SPATA18: variants seen among roughly 807,000 people sequenced by gnomAD.
The protein encoded by SPATA18 is mitochondria-eating protein.
In SPATA18, 54 loss-of-function variants were observed where a neutral mutation model predicts 68.1. The ratio of observed to expected loss-of-function variants is 0.79; its 90% CI spans 0.64 to 0.99. SPATA18 has a LOEUF of 0.99. Ranked by LOEUF, SPATA18 falls within the 50% of genes least tolerant of loss-of-function variation. The probability of loss-of-function intolerance (pLI) is 0.00; values close to 1 mark genes in which losing one functional copy is unlikely to be tolerated. For synonymous variants in SPATA18, 242 were observed against 244.8 expected (o/e 0.99, Z 0.11); for missense variants, 724 against 681.1 (o/e 1.06, Z -0.70).
chr4:52,072,009 A>T lies in SPATA18; in HGVS notation c.611A>T (p.Glu204Val), dbSNP rs754364540. The T allele has an allele frequency of 6.2e-7, 1 of 1,613,946 alleles. No homozygotes were observed. The highest frequency in any genetic ancestry group is 1.7e-5 in the Admixed American group (1 of 59,986). The change falls in exon 6 of 13, where the codon GAG becomes GTG. Residue 204 changes from glutamate to valine, a missense_variant. By Grantham distance (121) the Glu-to-Val change is moderately radical. Coordinates refer to ENST00000295213, the MANE Select transcript of SPATA18 (RefSeq NM_145263.4). ...ENRRSEPWSL[E>V]ERKREQWNSL... Reference sequence around the variant, plus strand: ...AGGCGGTCAGAGCCTTGGAGCTTGGAGGAGCGGAAGCGTGAGCAGTGGAAC... The same window carrying T: ...AGGCGGTCAGAGCCTTGGAGCTTGGTGGAGCGGAAGCGTGAGCAGTGGAAC...
intron 11 of SPATA18, 47 bp downstream of exon 11, chr4:52,085,046 GC>G (rs1741299659): frequency 5.2e-6 from 7 of 1,348,584 alleles, no homozygotes; most frequent in South Asian, 1.3e-5. Context: ...TCTATGGTTG[GC>G]TTTTTTTTTT....
intron 9 of SPATA18, among the ~76,000 whole-genome samples, chr4:52,080,157 A>G (rs1003204710): frequency 3.9e-5 from 6 of 152,178 alleles, no homozygotes; most frequent in African/African-American, 1.4e-4. Context: ...GCCTATCTAG[A>G]ACACTTTTTT....
chr4:52,086,147 C>G (rs143428277), intron 11 of SPATA18, among the ~76,000 whole-genome samples: 1 of 152,284 alleles, frequency 6.6e-6, no homozygotes, highest in East Asian at 1.9e-4. Context: ...ACCCTACACA[C>G]TTTTCTGAAA....
At chr4:52,052,587 A>G (rs548895025) in intron 1 of SPATA18, among the ~76,000 whole-genome samples, 3 of 152,212 alleles carry the variant, frequency 2.0e-5, no homozygotes, top group Non-Finnish European at 4.4e-5. Flanking sequence ...GCGGCCAGGC[A>G]AAAGAACTGT....
chr4:52,085,070 A>C, intron 11 of SPATA18, 71 bp downstream of exon 11: 3 of 1,211,368 alleles, frequency 2.5e-6, no homozygotes, highest in Non-Finnish European at 3.6e-6. Flanking sequence ...TTGCTTCAGC[A>C]ATACAAAAGA....
chr4:52,078,616 G>GTGTT (rs1412953986), intron 7 of SPATA18, 119 bp from the exon 8 acceptor site: 4 of 866,538 alleles, frequency 4.6e-6, no homozygotes, highest in Non-Finnish European at 5.1e-6. Flanking sequence ...TTGATCAACT[G>GTGTT]TGTTTAGTTA....
chr4:52,067,211 T>C (rs186975867), intron 4 of SPATA18, among the ~76,000 whole-genome samples: 19 of 152,304 alleles, frequency 1.2e-4, no homozygotes, highest in Admixed American at 4.6e-4. Flanking sequence ...CATGAGATGG[T>C]ATCTCATTGT....
chr4:52,066,255 A>C (rs527439463), intron 4 of SPATA18, among the ~76,000 whole-genome samples: 35 of 152,166 alleles, frequency 2.3e-4, no homozygotes, highest in African/African-American at 7.9e-4. Context: ...GGTTCATGCC[A>C]TTCTCCTGCC....
At chr4:52,085,066 CA>C in intron 11 of SPATA18, 67 bp downstream of exon 11, 1 of 1,238,512 alleles carries the variant, frequency 8.1e-7, no homozygotes, top group South Asian at 1.3e-5. Context: ...TTTTTTGCTT[CA>C]GCAATACAAA....
intron 11 of SPATA18, among the ~76,000 whole-genome samples, chr4:52,090,270 G>A (rs200120245): frequency 6.6e-6 from 1 of 152,252 alleles, no homozygotes; most frequent in African/African-American, 2.4e-5. Flanking sequence ...GGGGCATTTA[G>A]TCCGTTTACA....
intron 4 of SPATA18, among the ~76,000 whole-genome samples, chr4:52,067,664 T>C (rs1739428526): frequency 1.3e-5 from 2 of 152,208 alleles, no homozygotes; most frequent in Non-Finnish European, 1.5e-5. Flanking sequence ...CCACCATACG[T>C]TGAAAGGTCT....
At chr4:52,092,954 A>T (rs983744207) in intron 11 of SPATA18, among the ~76,000 whole-genome samples, 2 of 152,174 alleles carry the variant, frequency 1.3e-5, no homozygotes, top group African/African-American at 4.8e-5. Flanking sequence ...GAACACATGG[A>T]CACAAAGAGG....
chr4:52,075,053 C>A lies in SPATA18; in HGVS notation c.759-1726C>A, dbSNP rs1185442229. 2.6e-5 allele frequency among the ~76,000 whole-genome samples: 4 copies of A among 152,238 alleles called. 1 individual carries two copies. Among genetic ancestry groups the A allele is most frequent in the Middle Eastern group, 6.8e-3 (2 of 294 alleles). On this transcript the variant is annotated intron_variant, in intron 6 of 12. Coordinates refer to ENST00000295213, the MANE Select transcript of SPATA18 (RefSeq NM_145263.4). ...TTCCCCTTGTCCTTGTTCTGCAGAA[C>A]CCCCTTGTCAGGTATGTTGGTGAGG... is the stretch of plus-strand genomic sequence containing the variant.
Position 52,095,006 on chromosome 4 carries a change from G to T in SPATA18, c.*119G>T. 8.4e-7 allele frequency: 1 copy of T among 1,187,964 alleles called. No homozygotes were observed. The highest frequency in any genetic ancestry group is 1.3e-6 in the Non-Finnish European group (1 of 795,276). The allele number at this position is 1,187,964 out of a possible 1,614,324, so 73.6% of individuals were successfully genotyped here. ...TAAGATAATGTCAAAAGGCAATTCT[G>T]TGTATCACCCCACACAGAGAGTTAA... is the stretch of plus-strand genomic sequence containing the variant. On this transcript the variant is annotated 3_prime_UTR_variant, in exon 13 of 13. Transcript: ENST00000295213.
At chr4:52,055,032 G>A (rs1381344143) in intron 1 of SPATA18, among the ~76,000 whole-genome samples, 4 of 151,910 alleles carry the variant, frequency 2.6e-5, no homozygotes, top group African/African-American at 9.7e-5. Context: ...GCTTCATGCA[G>A]TCCAGAAAAT....
Position 52,069,883 on chromosome 4 carries a change from C to T in SPATA18, c.485C>T (p.Ala162Val), listed in dbSNP as rs757949028. The stretch of plus-strand genomic sequence containing the variant: ...AACAGATCGGCCATATCCCTTTTGG[C>T]TGCAGAGGAGGAAATAAATCAGCTG... ...SKNRSAISLL[A>V]AEEEINQLKK... Residue 162 changes from alanine to valine, a missense_variant, in exon 5 of 13, where the codon GCT (alanine) becomes GTT (valine). Physicochemically the swap from Ala to Val is moderately conservative, Grantham distance 64 (BLOSUM62 0). Coordinates refer to ENST00000295213, the MANE Select transcript of SPATA18 (RefSeq NM_145263.4). The T allele has an allele frequency of 1.9e-6, 3 of 1,593,350 alleles. No homozygotes were observed. The South Asian group carries it at 3.4e-5, about 18-fold the overall frequency.
intron 11 of SPATA18, among the ~76,000 whole-genome samples, chr4:52,093,096 T>C (rs1380107305): frequency 6.6e-6 from 1 of 151,948 alleles, no homozygotes; most frequent in Non-Finnish European, 1.5e-5. Context: ...CATGACAAGG[T>C]TTTACCAATA....
chr4:52,065,241 G>A (rs1196387064), intron 4 of SPATA18, among the ~76,000 whole-genome samples: 1 of 152,076 alleles, frequency 6.6e-6, no homozygotes, highest in African/African-American at 2.4e-5. Context: ...CCGCTGAGCA[G>A]AAGTTTATTT....
intron 6 of SPATA18, among the ~76,000 whole-genome samples, chr4:52,076,444 G>T (rs1263530805): frequency 3.3e-5 from 5 of 152,136 alleles, no homozygotes; most frequent in Admixed American, 3.3e-4. Flanking sequence ...ATATTGTGAT[G>T]CAAAGTTCCA....
Sources: allele counts gnomAD v4.1 joint callset (sites outside exome capture counted in the v4.1 genomes callset), GRCh38; gene constraint gnomAD v4.1.1; transcripts MANE v1.5; gene names NCBI Gene and HGNC (gene_info 2026-07-23, HGNC 2026-07-21).